The following PWWP2A variants were observed in gnomAD, a reference collection of about 807,000 sequenced individuals.
The protein encoded by PWWP2A is PWWP domain containing 2A.
A neutral mutation model predicts 48.5 loss-of-function variants in PWWP2A; 18 were observed. The ratio of observed to expected loss-of-function variants is 0.37; its 90% CI spans 0.26 to 0.55. PWWP2A has a LOEUF of 0.55. PWWP2A is among the 20% of genes least tolerant of loss of function. The pLI is 0.81. For synonymous variants in PWWP2A, 396 were observed against 387.7 expected, an observed-to-expected ratio of 1.02 and a Z score of -0.25; for missense variants, 867 against 976.4, an observed-to-expected ratio of 0.89 and a Z score of 1.49.
chr5:160,062,540 G>A (rs985685991), intron 5 of PWWP2A, among the ~76,000 whole-genome samples: 5 of 152,184 alleles, frequency 3.3e-5, no homozygotes, highest in African/African-American at 9.7e-5. Flanking sequence ...CATCCCAGTG[G>A]CTTACATGAT....
chr5:160,114,972 T>TA (rs1320216796), intron 1 of PWWP2A, among the ~76,000 whole-genome samples: 1 of 150,518 alleles, frequency 6.6e-6, no homozygotes, highest in South Asian at 2.1e-4. Flanking sequence ...CCATCTCTAC[T>TA]AAAAAATACA....
chr5:160,075,612 G>C (rs1027802774), downstream of PWWP2A, among the ~76,000 whole-genome samples: 2 of 151,860 alleles, frequency 1.3e-5, no homozygotes, highest in African/African-American at 4.8e-5. Flanking sequence ...TGAAGGGTAG[G>C]TTGTTTCTAT....
At chr5:160,086,860 T>C (rs10037844), downstream of PWWP2A, among the ~76,000 whole-genome samples, 87,629 of 152,170 alleles carry the variant, frequency 0.58, 25,360 homozygotes, top group East Asian at 0.62. Context: ...AAGTTTTACA[T>C]ACCATCACAC....
chr5:160,094,311 T>G (rs1268634677), intron 1 of PWWP2A, among the ~76,000 whole-genome samples: 1 of 152,250 alleles, frequency 6.6e-6, no homozygotes, highest in South Asian at 2.1e-4. Flanking sequence ...TAGTTGACTA[T>G]ACTTAAAGTA....
chr5:160,111,114 G>A (rs1223702124), intron 1 of PWWP2A, among the ~76,000 whole-genome samples: 7 of 151,918 alleles, frequency 4.6e-5, no homozygotes, highest in Non-Finnish European at 1.0e-4. Context: ...GTCACTTGAG[G>A]CCAGGAGGTT....
chr5:160,067,077 A>G (rs1340800683), intron 2 of PWWP2A, among the ~76,000 whole-genome samples: 1 of 152,094 alleles, frequency 6.6e-6, no homozygotes, highest in East Asian at 1.9e-4. Flanking sequence ...ATTTTTATGG[A>G]AAAATCTTCC....
At chr5:160,065,492 G>A in intron 4 of PWWP2A, 1 of 439,008 alleles carries the variant, frequency 2.3e-6, no homozygotes, top group South Asian at 1.6e-5. Context: ...TAACGAGGCT[G>A]CCTCCAGCAT....
rs1329089362 is a variant in PWWP2A at position 160,078,835 on chromosome 5, T to C, written c.1670-667A>G. On this transcript the variant is annotated intron_variant, in intron 3 of 3. Coordinates refer to the PWWP2A transcript ENST00000456329. The surrounding 1 kb of genome is among the most constrained non-coding windows in gnomAD (Gnocchi z 4.2). ...CCCTTGTTACACCAGCAAACGTGATTCTCAGCAGAGGCCTCTTCACCATAC... is the reference window on the plus strand; with the variant it reads ...CCCTTGTTACACCAGCAAACGTGATCCTCAGCAGAGGCCTCTTCACCATAC... 6.6e-6 allele frequency among the ~76,000 whole-genome samples: 1 copy of C among 152,174 alleles called. No individual in the cohort carries two copies. The highest frequency in any genetic ancestry group is 6.5e-5 in the Admixed American group (1 of 15,280).
Position 160,078,056 on chromosome 5 carries a change from A to T in PWWP2A, c.*99T>A. On this transcript the variant is annotated 3_prime_UTR_variant, in exon 4 of 4. Coordinates refer to the PWWP2A transcript ENST00000456329. This position sits in a 1 kb window ranked among gnomAD's most constrained non-coding sequence, Gnocchi z 4.2. The stretch of plus-strand genomic sequence containing the variant: ...GTTTTTAACCACTGCCTTAACATTT[A>T]CTTCTTAGTGCAGCTTTAAAAACTC... The T allele has an allele frequency of 9.6e-7, 1 of 1,038,946 alleles. No individual in the cohort carries two copies. Among genetic ancestry groups the T allele is most frequent in the Non-Finnish European group, 1.5e-6 (1 of 685,866 alleles). The allele number at this position is 1,038,946 out of a possible 1,614,324, so 64.4% of individuals were successfully genotyped here.
At chr5:160,090,895 G>A, downstream of PWWP2A, 1 of 984,508 alleles carries the variant, frequency 1.0e-6, no homozygotes, top group Non-Finnish European at 1.2e-6. Context: ...AGCTAAAAAT[G>A]GAAAATAAGA....
chr5:160,048,187 G>A, the PWWP2A span, among the ~76,000 whole-genome samples: 1 of 124,708 alleles, frequency 8.0e-6, no homozygotes, highest in African/African-American at 3.1e-5. Context: ...TCTCTCTGTT[G>A]CCCGGGCTGG....
At chr5:160,080,674 A>C in exon 3 of PWWP2A, 1 of 1,561,384 alleles carries the variant, frequency 6.4e-7, no homozygotes, top group Non-Finnish European at 8.7e-7. Flanking sequence ...TGTTAACTTC[A>C]ATGCTCCCAG....
chr5:160,118,982 G>A lies in PWWP2A; in HGVS notation c.407C>T (p.Pro136Leu), dbSNP rs1048053035. ...CACGAGCGCCGGGGCTACGGGCTGA[G>A]GCAGCGGCGGCTCCTCGCGCTCCTC... Reference protein sequence around the residue: ...APEEREEPPLPQPVAPALVPP... With the variant: ...APEEREEPPLLQPVAPALVPP... Residue 136 changes from proline (P) to leucine (L), a missense_variant, in exon 1 of 2, where the codon CCT becomes CTT. Pro to Leu is a moderately conservative substitution (Grantham distance 98, BLOSUM62 -3). Coordinates refer to ENST00000307063, the MANE Select transcript of PWWP2A (RefSeq NM_001130864.2). 16 of 1,597,406 alleles carry A rather than the reference G, an allele frequency of 1.0e-5. No homozygotes were observed. The highest frequency in any genetic ancestry group is 1.4e-5 in the Non-Finnish European group (16 of 1,173,972).
intron 2 of PWWP2A, among the ~76,000 whole-genome samples, chr5:160,068,810 A>C (rs1489321835): frequency 6.6e-6 from 1 of 152,218 alleles, no homozygotes; most frequent in Non-Finnish European, 1.5e-5. Context: ...ACGTGGTTTT[A>C]GTGTGAACAA....
chr5:160,050,141 T>G, the PWWP2A span, among the ~76,000 whole-genome samples: 2 of 151,572 alleles, frequency 1.3e-5, no homozygotes, highest in African/African-American at 4.8e-5. Flanking sequence ...AGAGTAAGAC[T>G]TTGTATCTTA....
intron 1 of PWWP2A, among the ~76,000 whole-genome samples, chr5:160,115,558 T>G (rs1209252752): frequency 1.3e-5 from 2 of 151,984 alleles, no homozygotes; most frequent in Admixed American, 1.3e-4. Flanking sequence ...CCGGGCGTGG[T>G]GGCGGGCACC....
downstream of PWWP2A, among the ~76,000 whole-genome samples, chr5:160,071,205 G>A (rs868415402): frequency 3.8e-4 from 58 of 152,080 alleles, no homozygotes; most frequent in African/African-American, 1.2e-3. Flanking sequence ...AGATGTTGCC[G>A]GGCTTAGTAG....
downstream of PWWP2A, among the ~76,000 whole-genome samples, chr5:160,059,013 C>T (rs1757625742): frequency 6.6e-6 from 1 of 152,292 alleles, no homozygotes; most frequent in Middle Eastern, 3.4e-3. Flanking sequence ...GTAGATTTAG[C>T]ATCATTCTTA....
intron 2 of PWWP2A, among the ~76,000 whole-genome samples, chr5:160,067,789 ATGTT>A (rs750920604): frequency 1.1e-4 from 17 of 152,236 alleles, no homozygotes; most frequent in Non-Finnish European, 2.5e-4. Flanking sequence ...CCTTTTGAAA[ATGTT>A]TGACCATAGA....
Sources: allele counts gnomAD v4.1 joint callset (sites outside exome capture counted in the v4.1 genomes callset), GRCh38; gene constraint gnomAD v4.1.1; non-coding constraint Gnocchi (gnomAD v3.1); transcripts MANE v1.5; gene names NCBI Gene and HGNC (gene_info 2026-07-23, HGNC 2026-07-21).